Variants in HNRNPC observed in about 807,000 individuals in gnomAD.
HNRNPC encodes the protein heterogeneous nuclear ribonucleoproteins C1/C2.
A neutral mutation model predicts 33.2 loss-of-function variants in HNRNPC; 3 were observed. The observed-to-expected ratio is 0.09, with a 90% confidence interval of 0.04 to 0.23. HNRNPC has a LOEUF of 0.23. Ranked by LOEUF, HNRNPC falls within the 10% of genes least tolerant of loss-of-function variation. The pLI, the probability that HNRNPC is intolerant of heterozygous loss-of-function variation, is 1.00. For synonymous variants in HNRNPC, 121 were observed against 126.7 expected, an observed-to-expected ratio of 0.96 and a Z score of 0.30; for missense variants, 143 against 366.7, an observed-to-expected ratio of 0.39 and a Z score of 4.98.
At chr14:21,229,734 T>C (rs1893897746) in intron 5 of HNRNPC, among the ~76,000 whole-genome samples, 1 of 152,222 alleles carries the variant, frequency 6.6e-6, no homozygotes, top group Non-Finnish European at 1.5e-5. Context: ...ACTGAATTGT[T>C]ATATACAGTA....
At chr14:21,216,613 G>A (rs10150735) in intron 5 of HNRNPC, among the ~76,000 whole-genome samples, 3,485 of 152,124 alleles carry the variant, frequency 0.023, 86 homozygotes, top group Middle Eastern at 0.082. Context: ...GGGGGCTGAG[G>A]GACAACAATC....
rs1451534766 is a variant in HNRNPC at position 21,210,943 on chromosome 14, C to A, written c.*280G>T. The A allele has an allele frequency of 2.2e-6, 1 of 448,536 alleles. No homozygotes were observed. The highest frequency in any genetic ancestry group is 4.0e-6 in the Non-Finnish European group (1 of 250,008). The allele number at this position is 448,536 out of a possible 1,614,324, so 27.8% of individuals were successfully genotyped here. A position where few individuals can be genotyped will look rare whatever the true frequency, so the allele number is the denominator to read the frequency against. On this transcript the variant is annotated 3_prime_UTR_variant, in exon 9 of 9. Transcript: ENST00000553300. ...TTATTTTGGAGACAGTTGATAAAAA[C>A]CATACATCCTTTTTATTGTTAAGTC... is the stretch of plus-strand genomic sequence containing the variant.
intron 2 of HNRNPC, among the ~76,000 whole-genome samples, chr14:21,257,763 C>T (rs184240115): frequency 1.3e-5 from 2 of 152,154 alleles, no homozygotes; most frequent in East Asian, 1.9e-4. Context: ...TGTAGACAGG[C>T]TCTTGCTATG....
At chr14:21,261,917 A>G (rs1878315407) in intron 2 of HNRNPC, among the ~76,000 whole-genome samples, 1 of 152,190 alleles carries the variant, frequency 6.6e-6, no homozygotes, top group Non-Finnish European at 1.5e-5. Context: ...AACACAGAAT[A>G]CACTCCTTCT....
chr14:21,222,636 T>C (rs924409353), intron 5 of HNRNPC, among the ~76,000 whole-genome samples: 1 of 152,198 alleles, frequency 6.6e-6, no homozygotes, highest in African/African-American at 2.4e-5. Context: ...CTCCCGCCTG[T>C]AATCCCAGCA....
intron 5 of HNRNPC, 143 bp downstream of exon 5, chr14:21,230,176 G>T: frequency 1.9e-6 from 1 of 536,034 alleles, no homozygotes; most frequent in Non-Finnish European, 3.4e-6. Context: ...TCTACTTAAT[G>T]ATTTAGAAAA....
chr14:21,265,490 A>C (rs2139061437), intron 1 of HNRNPC: 1 of 152,296 alleles, frequency 6.6e-6, no homozygotes, highest in African/African-American at 2.4e-5. Flanking sequence ...TAAAAAGACC[A>C]ACTTTAGCAC....
intron 1 of HNRNPC, among the ~76,000 whole-genome samples, chr14:21,265,714 G>C (rs192815360): frequency 5.7e-4 from 87 of 152,278 alleles, no homozygotes; most frequent in African/African-American, 2.0e-3. Flanking sequence ...GGAGGCAGAG[G>C]GTGCAGTGAG....
intron 2 of HNRNPC, among the ~76,000 whole-genome samples, chr14:21,243,332 A>T (rs926467390): frequency 2.0e-5 from 3 of 152,178 alleles, no homozygotes; most frequent in African/African-American, 7.2e-5. Context: ...TATCATGTCA[A>T]CAAACTTTGA....
At chr14:21,222,887 C>T (rs545528898) in intron 5 of HNRNPC, among the ~76,000 whole-genome samples, 2 of 151,758 alleles carry the variant, frequency 1.3e-5, no homozygotes, top group East Asian at 3.9e-4. Flanking sequence ...GAGGGAGACT[C>T]CGTCTCAAAA....
At chr14:21,213,767 T>C (rs1422389952) in intron 5 of HNRNPC, among the ~76,000 whole-genome samples, 3 of 152,194 alleles carry the variant, frequency 2.0e-5, no homozygotes, top group Non-Finnish European at 4.4e-5. Context: ...GGTAGTATCA[T>C]TTCTAACTAA....
At chr14:21,215,705 C>T (rs1027614862) in intron 5 of HNRNPC, among the ~76,000 whole-genome samples, 1 of 151,992 alleles carries the variant, frequency 6.6e-6, no homozygotes, top group African/African-American at 2.4e-5. Context: ...TGAGACCAGC[C>T]TGACCAACAT....
At chr14:21,265,664 G>A (rs1170492845) in intron 1 of HNRNPC, 1 of 152,192 alleles carries the variant, frequency 6.6e-6, no homozygotes, top group Admixed American at 6.5e-5. Context: ...CAAAAAATTA[G>A]CAGCACTACT....
intron 1 of HNRNPC, among the ~76,000 whole-genome samples, chr14:21,267,216 G>T (rs1252000295): frequency 6.6e-6 from 1 of 151,280 alleles, no homozygotes; most frequent in Non-Finnish European, 1.5e-5. Context: ...ATTCAAATAG[G>T]TTTTAAAAAA....
At chr14:21,259,671 C>T (rs1051455539) in intron 2 of HNRNPC, among the ~76,000 whole-genome samples, 1 of 152,034 alleles carries the variant, frequency 6.6e-6, no homozygotes, top group African/African-American at 2.4e-5. Context: ...CTAATTTTAC[C>T]TCCTAATCTC....
chr14:21,209,910 A>G lies in HNRNPC; in HGVS notation c.*1313T>C, dbSNP rs138750879. ...CTTACAACTGGATGCTAAAAATGCA[A>G]TCACTGTAATTAATAAAGTTGAGGA... On this transcript the variant is annotated 3_prime_UTR_variant, in exon 9 of 9. Transcript: ENST00000553300. 1.3e-5 allele frequency: 2 copies of G among 152,352 alleles called. No homozygotes were observed. Among genetic ancestry groups the G allele is most frequent in the African/African-American group, 4.8e-5 (2 of 41,574 alleles). 9.4% of individuals were successfully genotyped at this position (152,352 alleles called of 1,614,324 possible).
rs554060114 is a variant in HNRNPC, at chr14:21,236,906, A to G, written c.-36-2677T>C. On this transcript the variant is annotated intron_variant, in intron 2 of 8. Coordinates refer to ENST00000553300, the MANE Select transcript of HNRNPC (RefSeq NM_004500.4). ...TCAAAATTCCAAAATGCAAGGCAGT[A>G]AAGGCAAGCCAGCATATATGGTTTC... Among the ~76,000 whole-genome samples the G allele has an allele frequency of 1.9e-4, 29 of 152,352 alleles. No individual in the cohort carries two copies. The East Asian group carries it at 3.9e-3, about 20-fold the overall frequency.
Position 21,231,045 on chromosome 14 carries a change from A to C in HNRNPC, c.269T>G (p.Val90Gly), listed in dbSNP as rs1440432437. 2 of 1,614,204 alleles carry C rather than the reference A, an allele frequency of 1.2e-6. No homozygotes were observed. Among genetic ancestry groups the C allele is most frequent in the Non-Finnish European group, 1.7e-6 (2 of 1,180,028 alleles). ...TTTCACACCTGCTTTTCCTCGGTTC[A>C]CTTTTGGCTCTGCAGCCAGGTTAAT... Reference protein sequence around the residue: ...LDINLAAEPKVNRGKAGVKRS... With the variant: ...LDINLAAEPKGNRGKAGVKRS... The change falls in exon 4 of 9, where the codon GTG (valine) becomes GGG (glycine). Residue 90 changes from valine (V) to glycine (G), a missense_variant. Coordinates refer to ENST00000553300, the MANE Select transcript of HNRNPC (RefSeq NM_004500.4).
At chr14:21,227,993 C>A (rs1385740103) in intron 5 of HNRNPC, among the ~76,000 whole-genome samples, 1 of 152,086 alleles carries the variant, frequency 6.6e-6, no homozygotes, top group Non-Finnish European at 1.5e-5. Context: ...TCTGACTGGA[C>A]AAAAGAACAC....
Sources: gnomAD v4.1 joint callset for allele counts (sites outside exome capture counted in the v4.1 genomes callset) on GRCh38, gnomAD v4.1.1 for gene constraint, MANE v1.5 for transcripts, NCBI Gene and HGNC (gene_info 2026-07-23, HGNC 2026-07-21) for gene names.